Variants in CHST8 observed in about 807,000 individuals in gnomAD.
The protein encoded by CHST8 is carbohydrate sulfotransferase 8.
A neutral mutation model predicts 15.0 loss-of-function variants in CHST8; 10 were observed. The ratio of observed to expected loss-of-function variants is 0.67; its 90% CI spans 0.41 to 1.13. The LOEUF (loss-of-function observed/expected upper bound fraction) is 1.13. Ranked by LOEUF, CHST8 falls within the 50% of genes most tolerant of loss-of-function variation. CHST8 has a pLI of 0.00. For missense variants in CHST8, 634 were observed against 608.2 expected, an observed-to-expected ratio of 1.04 and a Z score of -0.45; for synonymous variants, 259 against 256.6, an observed-to-expected ratio of 1.01 and a Z score of -0.09.
chr19:33,674,971 CAT>C (rs1334364395), intron 2 of CHST8, among the ~76,000 whole-genome samples: 10 of 152,232 alleles, frequency 6.6e-5, no homozygotes, highest in Non-Finnish European at 1.2e-4. Flanking sequence ...TGTGTGCACA[CAT>C]GTCTACAGCA....
intron 1 of CHST8, among the ~76,000 whole-genome samples, chr19:33,663,459 G>T (rs1028631467): frequency 1.3e-5 from 2 of 152,208 alleles, no homozygotes; most frequent in African/African-American, 4.8e-5. Context: ...CAGCTACTCA[G>T]TGGGCCAAGG....
chr19:33,767,091 A>G (rs1974863767), intron 3 of CHST8, among the ~76,000 whole-genome samples: 1 of 145,652 alleles, frequency 6.9e-6, no homozygotes, highest in Non-Finnish European at 1.5e-5. Flanking sequence ...ATCATCGCCC[A>G]TCAGGGCTCG....
At chr19:33,670,626 G>A (rs1054985497) in intron 2 of CHST8, among the ~76,000 whole-genome samples, 3 of 152,140 alleles carry the variant, frequency 2.0e-5, no homozygotes, top group Non-Finnish European at 4.4e-5. Flanking sequence ...TTCCAGGAGC[G>A]TCACATTTTT....
intron 3 of CHST8, among the ~76,000 whole-genome samples, chr19:33,738,944 T>C (rs2145336625): frequency 6.6e-6 from 1 of 152,208 alleles, no homozygotes; most frequent in South Asian, 2.1e-4. Context: ...GAGAGGGAGA[T>C]GGTGGGTGGG....
intron 1 of CHST8, among the ~76,000 whole-genome samples, chr19:33,646,214 A>T (rs1972354373): frequency 1.3e-5 from 2 of 152,188 alleles, no homozygotes; most frequent in Admixed American, 1.3e-4. Context: ...AAAAATTTGG[A>T]GGCTAGAGTC....
At chr19:33,674,019 G>T (rs531798728) in intron 2 of CHST8, among the ~76,000 whole-genome samples, 128 of 152,342 alleles carry the variant, frequency 8.4e-4, no homozygotes, top group Admixed American at 2.1e-3. Context: ...CTCCCAAAGT[G>T]CTGGGATTAC....
intron 3 of CHST8, among the ~76,000 whole-genome samples, chr19:33,749,642 A>T (rs916433808): frequency 1.3e-5 from 2 of 151,968 alleles, no homozygotes; most frequent in Non-Finnish European, 2.9e-5. Context: ...CACTAGGGCC[A>T]GTAACTTGGG....
At chr19:33,705,527 G>A (rs1350543113) in intron 3 of CHST8, among the ~76,000 whole-genome samples, 2 of 152,240 alleles carry the variant, frequency 1.3e-5, no homozygotes, top group Admixed American at 1.3e-4. Context: ...ACAAGCTTCT[G>A]TTGCTGTAGC....
intron 1 of CHST8, among the ~76,000 whole-genome samples, chr19:33,666,382 G>C (rs1017013134): frequency 6.6e-6 from 1 of 152,228 alleles, no homozygotes; most frequent in Non-Finnish European, 1.5e-5. Context: ...CCAGCCTCAC[G>C]GGGAGAAATC....
At chr19:33,664,003 T>C (rs1420147143) in intron 1 of CHST8, among the ~76,000 whole-genome samples, 1 of 152,222 alleles carries the variant, frequency 6.6e-6, no homozygotes, top group Non-Finnish European at 1.5e-5. Flanking sequence ...ACACCATTTA[T>C]GGCAAAAACA....
intron 1 of CHST8, among the ~76,000 whole-genome samples, chr19:33,663,447 C>T (rs113928088): frequency 0.019 from 2,951 of 152,274 alleles, 45 homozygotes; most frequent in African/African-American, 0.041. Context: ...TGCCTGTGGT[C>T]CCAGCTACTC....
At chr19:33,643,171 T>G (rs1223881553) in intron 1 of CHST8, among the ~76,000 whole-genome samples, 1 of 152,228 alleles carries the variant, frequency 6.6e-6, no homozygotes, top group Admixed American at 6.5e-5. Flanking sequence ...ACAAATCACC[T>G]TCCAGAAAGA....
chr19:33,639,873 T>A (rs1346267905), intron 1 of CHST8, among the ~76,000 whole-genome samples: 1 of 148,770 alleles, frequency 6.7e-6, no homozygotes, highest in Non-Finnish European at 1.5e-5. Flanking sequence ...AGAGTCTCAC[T>A]CTGTCTCCCA....
intron 3 of CHST8, among the ~76,000 whole-genome samples, chr19:33,705,816 C>A (rs1451221807): frequency 6.6e-6 from 1 of 152,162 alleles, no homozygotes; most frequent in African/African-American, 2.4e-5. Context: ...TCCCTGCTGC[C>A]TCTGTGTCAC....
intron 1 of CHST8, among the ~76,000 whole-genome samples, chr19:33,640,230 G>A (rs1470398642): frequency 6.6e-6 from 1 of 152,068 alleles, no homozygotes; most frequent in Non-Finnish European, 1.5e-5. Flanking sequence ...CCAGGATCTA[G>A]CACCACGTGA....
At chr19:33,725,118 A>G (rs932782224) in intron 3 of CHST8, among the ~76,000 whole-genome samples, 2 of 152,088 alleles carry the variant, frequency 1.3e-5, no homozygotes, top group African/African-American at 4.8e-5. Flanking sequence ...ACAGAGTGTG[A>G]GGGTGTCTCC....
chr19:33,703,526 G>A (rs1282878323), intron 3 of CHST8, among the ~76,000 whole-genome samples: 1 of 152,256 alleles, frequency 6.6e-6, no homozygotes, highest in Non-Finnish European at 1.5e-5. Flanking sequence ...GAGGCCAAAT[G>A]CGTGGGTCGG....
intron 3 of CHST8, among the ~76,000 whole-genome samples, chr19:33,711,379 A>T (rs1405655718): frequency 6.6e-6 from 1 of 152,156 alleles, no homozygotes; most frequent in African/African-American, 2.4e-5. Flanking sequence ...GAGCCCTCAG[A>T]AGGTATCAGA....
chr19:33,696,088 A>T (rs1973212770), intron 3 of CHST8, among the ~76,000 whole-genome samples: 1 of 151,748 alleles, frequency 6.6e-6, no homozygotes, highest in Non-Finnish European at 1.5e-5. Flanking sequence ...AGCCTCCCAA[A>T]GTGCTGGGAT....
Sources: gnomAD v4.1 joint callset for allele counts (sites outside exome capture counted in the v4.1 genomes callset) on GRCh38, gnomAD v4.1.1 for gene constraint, MANE v1.5 for transcripts, NCBI Gene and HGNC (gene_info 2026-07-23, HGNC 2026-07-21) for gene names.